Variants in ADAR observed in about 807,000 individuals in gnomAD.
ADAR encodes the protein double-stranded RNA-specific adenosine deaminase.
In ADAR, 41 loss-of-function variants were observed where a neutral mutation model predicts 113.2. The ratio of observed to expected loss-of-function variants is 0.36; its 90% CI spans 0.28 to 0.47. The LOEUF is 0.47. Ranked by LOEUF, ADAR falls within the 20% of genes least tolerant of loss-of-function variation. The pLI is 1.00. For missense variants in ADAR, 1,242 were observed against 1,540.9 expected, an observed-to-expected ratio of 0.81 and a Z score of 3.25; for synonymous variants, 605 against 572.6, an observed-to-expected ratio of 1.06 and a Z score of -0.81.
At chr1:154,589,559 G>A in intron 8 of ADAR, 97 bp from the exon 9 acceptor site, 1 of 1,276,682 alleles carries the variant, frequency 7.8e-7, no homozygotes, top group Non-Finnish European at 1.1e-6. Flanking sequence ...GGCAGAAACA[G>A]CCTCAGTTTC....
chr1:154,604,581 A>C (rs1698078654), intron 1 of ADAR, among the ~76,000 whole-genome samples: 1 of 152,202 alleles, frequency 6.6e-6, no homozygotes, highest in Non-Finnish European at 1.5e-5. Context: ...AACATGCCTT[A>C]GTTCACTGTG....
At position 154,582,988 on chromosome 1, in the gene ADAR, C is replaced by G. The variant is rs1378630365; in HGVS notation, c.*1818G>C. ...AGAACTTGCATTTTCTTACTTTGGTCAATTTTTGGTCAAAAGTACAGAGAG... is the reference window on the plus strand; with the variant it reads ...AGAACTTGCATTTTCTTACTTTGGTGAATTTTTGGTCAAAAGTACAGAGAG... On this transcript the variant is annotated 3_prime_UTR_variant, in exon 15 of 15. Coordinates refer to ENST00000368474, the MANE Select transcript of ADAR (RefSeq NM_001111.5). The G allele has an allele frequency of 6.6e-6, 1 of 152,220 alleles. No homozygotes were observed. Among genetic ancestry groups the G allele is most frequent in the Non-Finnish European group, 1.5e-5 (1 of 68,048 alleles). The allele number at this position is 152,220 out of a possible 1,614,324, so 9.4% of individuals were successfully genotyped here.
chr1:154,608,044 G>A lies in ADAR; in HGVS notation c.-38C>T, dbSNP rs1438656808. The A allele has an allele frequency of 1.6e-5, 25 of 1,564,712 alleles. No individual in the cohort carries two copies. The highest frequency in any genetic ancestry group is 1.3e-4 in the Admixed American group (7 of 53,648). On this transcript the variant is annotated 5_prime_UTR_variant, in exon 1 of 15. Coordinates refer to ENST00000368474, the MANE Select transcript of ADAR (RefSeq NM_001111.5). ...GCATTGCCCGGCCCGACCCGCCGGC[G>A]GCACGACCCTGGCCCGACCGCTGGG...
chr1:154,588,667 G>C lies in ADAR; in HGVS notation c.2769C>G (p.Leu923=). The part of the protein sequence containing the change: ...IISRRGFIRF[L]YSELMKYNSQ... ...AGTTGTATTTCATTAACTCACTGTA[G>C]AGAAACCTACAAAAAGAAAGTCTGG... Residue 923 remains leucine (L), a synonymous_variant, in exon 10 of 15, where the codon CTC becomes CTG. Coordinates refer to ENST00000368474, the MANE Select transcript of ADAR (RefSeq NM_001111.5). 1 of 1,614,154 alleles carries C rather than the reference G, an allele frequency of 6.2e-7. No homozygotes were observed. The highest frequency in any genetic ancestry group is 8.5e-7 in the Non-Finnish European group (1 of 1,180,038).
rs949281548 is a variant in ADAR, at chr1:154,582,805, C to T, written c.*2001G>A. On this transcript the variant is annotated 3_prime_UTR_variant, in exon 15 of 15. Transcript: ENST00000368474. Reference sequence around the variant, plus strand: ...TTCTGATGCTGAGAACCACAGACCTCTCTGCCCTGGATGTGGGTGCCAAGA... The same window carrying T: ...TTCTGATGCTGAGAACCACAGACCTTTCTGCCCTGGATGTGGGTGCCAAGA... The T allele has an allele frequency of 3.3e-5, 5 of 152,254 alleles. No individual in the cohort carries two copies. Among genetic ancestry groups the T allele is most frequent in the African/African-American group, 1.2e-4 (5 of 41,458 alleles). 9.4% of individuals were successfully genotyped at this position (152,254 alleles called of 1,614,324 possible). A position where few individuals can be genotyped will look rare whatever the true frequency, so the allele number is the denominator to read the frequency against.
At chr1:154,602,851 C>A (rs1424344202) in intron 1 of ADAR, among the ~76,000 whole-genome samples, 1 of 152,182 alleles carries the variant, frequency 6.6e-6, no homozygotes. Context: ...GCACGCAGAA[C>A]TTCCAGGAAT....
Position 154,602,263 on chromosome 1 carries a change from A to C in ADAR, c.379T>G (p.Ser127Ala). 6.2e-7 allele frequency: 1 copy of C among 1,614,206 alleles called. No individual in the cohort carries two copies. Among genetic ancestry groups the C allele is most frequent in the Non-Finnish European group, 8.5e-7 (1 of 1,180,040 alleles). The change falls in exon 2 of 15, where the codon TCC becomes GCC. Residue 127 changes from serine (S) to alanine (A), a missense_variant. Physicochemically the swap from Ser to Ala is moderately conservative, Grantham distance 99. Coordinates refer to ENST00000368474, the MANE Select transcript of ADAR (RefSeq NM_001111.5). ...SLPQRGVDCL[S>A]SHFQELSIYQ... ...ATACTCAGTTCCTGGAAATGTGAGG[A>C]AAGGCAATCAACACCTCTCTGTGGC...
chr1:154,601,183 A>T lies in ADAR; in HGVS notation c.1459T>A (p.Leu487Met). ...TTCTTGTAGGGTGAACACCGTGGCA[A>T]GCCATGACTGTAGAAGGAGGGCATC... ...MEMPSFYSHG[L>M]PRCSPYKKLT... is the part of the protein sequence containing the mutation. The change falls in exon 2 of 15, where the codon TTG becomes ATG. Residue 487 changes from leucine (L) to methionine (M), a missense_variant. Leu to Met is a conservative substitution (Grantham distance 15). Transcript: ENST00000368474. This position sits in a 1 kb window ranked among gnomAD's most constrained non-coding sequence, Gnocchi z 4.7. The T allele has an allele frequency of 6.2e-7, 1 of 1,614,246 alleles. No homozygotes were observed.
intron 2 of ADAR, 47 bp from the exon 3 acceptor site, chr1:154,598,632 C>T: frequency 6.3e-7 from 1 of 1,592,452 alleles, no homozygotes; most frequent in Non-Finnish European, 8.6e-7. Flanking sequence ...TAGGTCACTC[C>T]TTCTGCCTTC....
rs1571045177 is a variant in ADAR, at chr1:154,584,988, T to G, written c.3499A>C (p.Lys1167Gln). ...SKKNIFLLFKKLCSFRYRRDL... is the reference protein window; with the variant it reads ...SKKNIFLLFKQLCSFRYRRDL... ...CTGCGGTAACGGAAGGAGCAGAGCT[T>G]CTTAAATAGAAGAAAAATGTTCTTT... Residue 1167 changes from lysine (K) to glutamine (Q), a missense_variant, in exon 15 of 15, where the codon AAG becomes CAG. Around this residue, in one of 2 missense-constraint regions of ADAR, gnomAD observed 780 missense variants for 1,057.9 expected, o/e 0.74. Transcript: ENST00000368474. The G allele has an allele frequency of 2.7e-5, 44 of 1,614,108 alleles. No homozygotes were observed. Among genetic ancestry groups the G allele is most frequent in the Non-Finnish European group, 3.7e-5 (44 of 1,180,026 alleles).
At chr1:154,614,955 C>T (rs1325636281) in intron 1 of ADAR, among the ~76,000 whole-genome samples, 1 of 152,220 alleles carries the variant, frequency 6.6e-6, no homozygotes, top group Non-Finnish European at 1.5e-5. Context: ...TTTCCACCTA[C>T]ACACACAGAG....
At chr1:154,615,585 AT>A (rs948324509) in intron 1 of ADAR, among the ~76,000 whole-genome samples, 13 of 151,416 alleles carry the variant, frequency 8.6e-5, no homozygotes, top group African/African-American at 1.7e-4. Context: ...AATTAAAAAA[AT>A]TTTTTTTCGT....
intron 9 of ADAR, 121 bp downstream of exon 9, chr1:154,589,248 A>G (rs1696963209): frequency 6.3e-6 from 5 of 794,168 alleles, no homozygotes; most frequent in East Asian, 2.6e-5. Context: ...AAAGGCTGCC[A>G]CTGCCACATC....
chr1:154,589,790 C>G lies in ADAR; in HGVS notation c.2635G>C (p.Glu879Gln), dbSNP rs200312914. 1 of 1,614,148 alleles carries G rather than the reference C, an allele frequency of 6.2e-7. No homozygotes were observed. The highest frequency in any genetic ancestry group is 2.2e-5 in the East Asian group (1 of 44,868). The change falls in exon 8 of 15, where the codon GAG becomes CAG. Residue 879 changes from glutamate to glutamine, a missense_variant. By Grantham distance (29) the Glu-to-Gln change is conservative (BLOSUM62 2). This residue lies in a region of ADAR where 780 missense variants were observed against 1,057.9 expected (regional missense o/e 0.74). Transcript: ENST00000368474. Reference protein sequence around the residue: ...LAAIIMKKDSEDMGVVVSLGT... With the variant: ...LAAIIMKKDSQDMGVVVSLGT... ...AAGCTGACGACGACACCCATGTCCT[C>G]AGAGTCTTTTTTCATAATGATGGCG...
chr1:154,598,425 A>C lies in ADAR; in HGVS notation c.1762T>G (p.Ser588Ala). The change falls in exon 3 of 15, where the codon TCC (serine) becomes GCC (alanine). Residue 588 changes from serine to alanine, a missense_variant. Ser to Ala is a moderately conservative substitution (Grantham distance 99). Around this residue, in one of 2 missense-constraint regions of ADAR, gnomAD observed 780 missense variants for 1,057.9 expected, o/e 0.74. Transcript: ENST00000368474. ...SGKSEESSHY[S>A]TEKESEKTAE... Reference sequence around the variant, plus strand: ...ACCTTCTCTGATTCTTTCTCTGTGGAATAGTGGGATGATTCTTCTGATTTT... The same window carrying C: ...ACCTTCTCTGATTCTTTCTCTGTGGCATAGTGGGATGATTCTTCTGATTTT... The C allele has an allele frequency of 6.2e-7, 1 of 1,614,072 alleles. No individual in the cohort carries two copies. The highest frequency in any genetic ancestry group is 8.5e-7 in the Non-Finnish European group (1 of 1,180,000).
At chr1:154,621,897 A>C (rs1698798989) in intron 1 of ADAR, among the ~76,000 whole-genome samples, 1 of 152,218 alleles carries the variant, frequency 6.6e-6, no homozygotes, top group South Asian at 2.1e-4. Context: ...TGTCATTTCA[A>C]GTCTCTATTT....
At chr1:154,627,913 G>GGCCCCCCCCCCCCCCCCCCCCCCCCCCCC in exon 1 of ADAR, 2 of 517,162 alleles carry the variant, frequency 3.9e-6, no homozygotes, top group South Asian at 1.4e-5. Context: ...GTGCGGCCGC[G>GGCCCCCCCCCCCCCCCCCCCCCCCCCCCC]ACCCTCCCCC....
intron 2 of ADAR, 180 bp downstream of exon 2, chr1:154,600,861 A>G: frequency 2.3e-6 from 2 of 863,530 alleles, no homozygotes; most frequent in Admixed American, 4.0e-5. Flanking sequence ...TCCAAGGTCT[A>G]TATTCCCTGC....
At chr1:154,604,587 C>T (rs964402901) in intron 1 of ADAR, among the ~76,000 whole-genome samples, 1 of 152,244 alleles carries the variant, frequency 6.6e-6, no homozygotes, top group African/African-American at 2.4e-5. Flanking sequence ...CCTTAGTTCA[C>T]TGTGGATTGA....
Sources: allele counts gnomAD v4.1 joint callset (sites outside exome capture counted in the v4.1 genomes callset), GRCh38; gene constraint gnomAD v4.1.1; regional missense constraint gnomAD v4.1.1; non-coding constraint Gnocchi (gnomAD v3.1); transcripts MANE v1.5; gene names NCBI Gene and HGNC (gene_info 2026-07-23, HGNC 2026-07-21).